The following NIPAL1 variants were observed in gnomAD, a reference collection of about 807,000 sequenced individuals.
The protein encoded by NIPAL1 is magnesium transporter NIPA3.
A neutral mutation model predicts 37.7 loss-of-function variants in NIPAL1; 35 were observed. That is an observed-to-expected ratio of 0.93 (90% CI 0.71 to 1.23). The LOEUF (loss-of-function observed/expected upper bound fraction) is 1.23. Among genes scored for constraint, NIPAL1 ranks in the 50% most tolerant of loss-of-function variants. The pLI, the probability that NIPAL1 is intolerant of heterozygous loss-of-function variation, is 0.00. For missense variants in NIPAL1, 412 were observed against 473.9 expected (o/e 0.87, Z 1.21); for synonymous variants, 162 against 183.0 (o/e 0.89, Z 0.93).
chr4:48,027,937 T>C lies in NIPAL1; in HGVS notation c.314-2183T>C, dbSNP rs545023295. Reference sequence around the variant, plus strand: ...CAGTCCTCATTACTACCAATGTAATTTACTATTTATGTTTTCTGTTTTTAA... The same window carrying C: ...CAGTCCTCATTACTACCAATGTAATCTACTATTTATGTTTTCTGTTTTTAA... On this transcript the variant is annotated intron_variant, in intron 2 of 5. Coordinates refer to ENST00000295461, the MANE Select transcript of NIPAL1 (RefSeq NM_207330.3). This position sits in a 1 kb window ranked among gnomAD's most constrained non-coding sequence, Gnocchi z 4.1. 6.6e-6 allele frequency among the ~76,000 whole-genome samples: 1 copy of C among 152,336 alleles called. No homozygotes were observed. The highest frequency in any genetic ancestry group is 1.5e-5 in the Non-Finnish European group (1 of 68,008).
intron 4 of NIPAL1, among the ~76,000 whole-genome samples, chr4:48,033,505 T>G (rs1482882542): frequency 3.3e-5 from 5 of 152,126 alleles, no homozygotes; most frequent in Admixed American, 1.3e-4. Flanking sequence ...CAGAACAAAT[T>G]GCCAGAGTCC....
At position 48,025,660 on chromosome 4, in the gene NIPAL1, G is replaced by C. The variant is rs142886073; in HGVS notation, c.313+326G>C. On this transcript the variant is annotated intron_variant, in intron 2 of 5. Transcript: ENST00000295461. ...GGAAGGTTCCTGTTCTTGAGAATCT[G>C]CTATAAATGAGCAAGTAAACCTGTC... 5.5e-4 allele frequency among the ~76,000 whole-genome samples: 84 copies of C among 152,202 alleles called. 1 individual carries two copies. The East Asian group carries it at 0.011, about 20-fold the overall frequency.
intron 4 of NIPAL1, among the ~76,000 whole-genome samples, chr4:48,033,486 A>G (rs1201263418): frequency 6.6e-6 from 1 of 152,204 alleles, no homozygotes; most frequent in Non-Finnish European, 1.5e-5. Flanking sequence ...GATTTTTTAA[A>G]TCTCTCATCA....
At position 48,036,359 on chromosome 4, in the gene NIPAL1, A is replaced by AATTT; in HGVS notation, c.*189_*190insTTAT. The AATTT allele has an allele frequency of 1.8e-6, 1 of 558,366 alleles. No homozygotes were observed. The highest frequency in any genetic ancestry group is 3.2e-5 in the East Asian group (1 of 31,278). The allele number at this position is 558,366 out of a possible 1,614,324, so 34.6% of individuals were successfully genotyped here. On this transcript the variant is annotated 3_prime_UTR_variant, in exon 6 of 6. Coordinates refer to ENST00000295461, the MANE Select transcript of NIPAL1 (RefSeq NM_207330.3). ...GAAAATCAAATTGATTATCCTCCAGAATCTCTACAAACTTTGAAATACTCT... is the reference window on the plus strand; with the variant it reads ...GAAAATCAAATTGATTATCCTCCAGAATTTATCTCTACAAACTTTGAAATACTCT...
At chr4:48,032,503 G>GT (rs1323143854) in intron 3 of NIPAL1, among the ~76,000 whole-genome samples, 4 of 152,048 alleles carry the variant, frequency 2.6e-5, no homozygotes, top group Non-Finnish European at 5.9e-5. Context: ...TACAATAGAG[G>GT]GATATCTAAC....
intron 3 of NIPAL1, among the ~76,000 whole-genome samples, chr4:48,032,690 G>C (rs1715848013): frequency 6.7e-6 from 1 of 149,936 alleles, no homozygotes; most frequent in Non-Finnish European, 1.5e-5. Context: ...GATTTCATTA[G>C]AGTCACCAAA....
intron 1 of NIPAL1, among the ~76,000 whole-genome samples, chr4:48,018,870 G>A (rs1384405807): frequency 6.6e-6 from 1 of 152,114 alleles, no homozygotes; most frequent in African/African-American, 2.4e-5. Context: ...AGAGTGTTGG[G>A]ATGTTTAGAT....
chr4:48,029,066 G>T (rs1472094267), intron 2 of NIPAL1, among the ~76,000 whole-genome samples: 8 of 152,082 alleles, frequency 5.3e-5, no homozygotes, highest in African/African-American at 1.9e-4. Flanking sequence ...CCACTACTGG[G>T]TATCTACTTT....
rs1414585668 is a variant in NIPAL1 at position 48,027,284 on chromosome 4, A to G, written c.313+1950A>G. Among the ~76,000 whole-genome samples the G allele has an allele frequency of 2.0e-5, 3 of 152,228 alleles. No individual in the cohort carries two copies. Among genetic ancestry groups the G allele is most frequent in the Admixed American group, 1.3e-4 (2 of 15,280 alleles). ...CAGAAAATAGACATGGCATATAAAC[A>G]AGAAACAAACAAAATAAGAAATGCA... On this transcript the variant is annotated intron_variant, in intron 2 of 5. Coordinates refer to ENST00000295461, the MANE Select transcript of NIPAL1 (RefSeq NM_207330.3). This position sits in a 1 kb window ranked among gnomAD's most constrained non-coding sequence, Gnocchi z 4.1.
chr4:48,025,085 G>A lies in NIPAL1; in HGVS notation c.64G>A (p.Val22Ile). 6.2e-7 allele frequency: 1 copy of A among 1,613,842 alleles called. No individual in the cohort carries two copies. The highest frequency in any genetic ancestry group is 8.5e-7 in the Non-Finnish European group (1 of 1,179,818). The change falls in exon 2 of 6, where the codon GTC becomes ATC. Residue 22 changes from valine to isoleucine, a missense_variant. Physicochemically the swap from Val to Ile is conservative, Grantham distance 29. Transcript: ENST00000295461. ...PCREGYVLSL[V>I]CPNSSQAWCE... is the part of the protein sequence containing the mutation. Reference sequence around the variant, plus strand: ...TTTTCCAGGATATGTGCTGTCTCTGGTCTGTCCAAACTCCTCCCAGGCTTG... The same window carrying A: ...TTTTCCAGGATATGTGCTGTCTCTGATCTGTCCAAACTCCTCCCAGGCTTG...
intron 1 of NIPAL1, among the ~76,000 whole-genome samples, chr4:48,017,870 A>ACG (rs1426583252): frequency 2.4e-5 from 1 of 42,120 alleles, no homozygotes; most frequent in African/African-American, 6.4e-5. Context: ...ACACATATAT[A>ACG]TATATATATA....
rs369597411 is a variant in NIPAL1, at chr4:48,036,222, A to G, written c.*50A>G. 6.7e-6 allele frequency: 10 copies of G among 1,495,266 alleles called. No individual in the cohort carries two copies. The African/African-American group carries it at 1.3e-4, about 19-fold the overall frequency. 92.6% of individuals were successfully genotyped at this position (1,495,266 alleles called of 1,614,324 possible). A position where few individuals can be genotyped will look rare whatever the true frequency, so the allele number is the denominator to read the frequency against. ...ACCAATATGAGACACACGAAGAGGA[A>G]AATGAATGCTTGCTTCTTGGAAGAA... On this transcript the variant is annotated 3_prime_UTR_variant, in exon 6 of 6. Transcript: ENST00000295461.
chr4:48,035,446 G>A, intron 5 of NIPAL1, 116 bp from the exon 6 acceptor site: 3 of 931,470 alleles, frequency 3.2e-6, no homozygotes, highest in Non-Finnish European at 5.0e-6. Flanking sequence ...TTTTTAATTT[G>A]ATCTCACTTC....
intron 1 of NIPAL1, among the ~76,000 whole-genome samples, chr4:48,020,538 C>T (rs1008327060): frequency 2.0e-5 from 3 of 152,198 alleles, no homozygotes; most frequent in African/African-American, 4.8e-5. Flanking sequence ...CTAATGTCCA[C>T]CTGGGTTTGG....
intron 3 of NIPAL1, 49 bp downstream of exon 3, chr4:48,030,225 G>T: frequency 1.8e-6 from 2 of 1,140,364 alleles, no homozygotes; most frequent in Non-Finnish European, 2.6e-6. Flanking sequence ...ATAGTAAATA[G>T]ATTACATGAA....
intron 2 of NIPAL1, among the ~76,000 whole-genome samples, chr4:48,025,975 G>C (rs1176770385): frequency 3.9e-5 from 6 of 152,082 alleles, no homozygotes; most frequent in Non-Finnish European, 4.4e-5. Flanking sequence ...ACTTCAGTGT[G>C]AGTAGCATCA....
rs1715421474 is a variant in NIPAL1 at position 48,016,868 on chromosome 4, GA to G, written c.30del (p.Glu11SerfsTer39). The G allele has an allele frequency of 6.3e-7, 1 of 1,594,880 alleles. No homozygotes were observed. The highest frequency in any genetic ancestry group is 8.5e-7 in the Non-Finnish European group (1 of 1,173,460). On this transcript the variant is annotated frameshift_variant, in exon 1 of 6. Coordinates refer to ENST00000295461, the MANE Select transcript of NIPAL1 (RefSeq NM_207330.3). LOFTEE classifies it high-confidence loss of function. MGAQVRLPP[G>X]EPCREGYVLS... ...GGGGCACAGGTGAGGCTGCCGCCCGGAGAGCCCTGCCGAGAAGGTTTGTGTC... is the reference window on the plus strand; with the variant it reads ...GGGGCACAGGTGAGGCTGCCGCCCGGGAGCCCTGCCGAGAAGGTTTGTGTC...
chr4:48,025,372 A>C (rs545942392), intron 2 of NIPAL1, 38 bp downstream of exon 2: 1 of 1,593,480 alleles, frequency 6.3e-7, no homozygotes, highest in Non-Finnish European at 8.6e-7. Flanking sequence ...TAAGTTTCTA[A>C]CTGCAGAAAT....
At chr4:48,020,051 G>A (rs1715537738) in intron 1 of NIPAL1, among the ~76,000 whole-genome samples, 1 of 152,118 alleles carries the variant, frequency 6.6e-6, no homozygotes, top group Admixed American at 6.6e-5. Context: ...AATCCTATCT[G>A]CCCCCACTGG....
Sources: gnomAD v4.1 joint callset for allele counts (sites outside exome capture counted in the v4.1 genomes callset) on GRCh38, gnomAD v4.1.1 for gene constraint, Gnocchi (gnomAD v3.1) non-coding constraint, MANE v1.5 for transcripts, NCBI Gene and HGNC (gene_info 2026-07-23, HGNC 2026-07-21) for gene names.